NUP210: variants seen among roughly 807,000 people sequenced by gnomAD.
The protein encoded by NUP210 is nuclear pore membrane glycoprotein 210.
Under a neutral mutation model 196.0 loss-of-function variants are expected in NUP210, and 151 were observed. The ratio of observed to expected loss-of-function variants is 0.77; its 90% CI spans 0.67 to 0.88. The LOEUF is 0.88. NUP210 is among the 40% of genes least tolerant of loss of function. NUP210 has a pLI of 0.00. For synonymous variants in NUP210, 1,070 were observed against 1,052.7 expected (o/e 1.02, Z -0.32); for missense variants, 2,314 against 2,493.7 (o/e 0.93, Z 1.53).
At position 13,364,293 on chromosome 3, in the gene NUP210, T is replaced by C. The variant is rs533998211; in HGVS notation, c.1932+1653A>G. On this transcript the variant is annotated intron_variant, in intron 14 of 39. Coordinates refer to ENST00000254508, the MANE Select transcript of NUP210 (RefSeq NM_024923.4). The stretch of plus-strand genomic sequence containing the variant: ...GATTGCACAAGTAGGTAGGTATTCA[T>C]GCCTGTGTGCTAAAGGAACAAATGT... 1.4e-3 allele frequency among the ~76,000 whole-genome samples: 217 copies of C among 152,328 alleles called. 2 individuals carry two copies. Among genetic ancestry groups the C allele is most frequent in the African/African-American group, 4.9e-3 (202 of 41,576 alleles).
At position 13,365,937 on chromosome 3, in the gene NUP210, CT is replaced by C. The variant is rs768243123; in HGVS notation, c.1932+8del. 42 of 1,613,884 alleles carry C rather than the reference CT, an allele frequency of 2.6e-5. 1 individual carries two copies. Among genetic ancestry groups the C allele is most frequent in the Non-Finnish European group, 3.5e-5 (41 of 1,179,880 alleles). On this transcript the variant is annotated splice_region_variant and intron_variant, in intron 14 of 39. Coordinates refer to ENST00000254508, the MANE Select transcript of NUP210 (RefSeq NM_024923.4). ...AGGGGGGTGGTAAAGGGCAGGGCCC[CT>C]GGCTCACCTTGAGGGGCAGGTAGGC...
chr3:13,391,158 C>T (rs1699477555), intron 4 of NUP210, 53 bp downstream of exon 4: 5 of 1,300,816 alleles, frequency 3.8e-6, no homozygotes, highest in African/African-American at 1.5e-5. Flanking sequence ...TCACAGGTGT[C>T]CCCCTTTCCC....
chr3:13,411,568 A>G (rs961076896), intron 1 of NUP210, among the ~76,000 whole-genome samples: 3 of 151,662 alleles, frequency 2.0e-5, no homozygotes, highest in Non-Finnish European at 4.4e-5. Context: ...CACCACCCCC[A>G]CATCTCCTCT....
rs1441358048 is a variant in NUP210 at position 13,340,783 on chromosome 3, C to G, written c.3229-485G>C. On this transcript the variant is annotated intron_variant, in intron 23 of 39. Coordinates refer to ENST00000254508, the MANE Select transcript of NUP210 (RefSeq NM_024923.4). This position sits in a 1 kb window ranked among gnomAD's most constrained non-coding sequence, Gnocchi z 4.0. ...CCCCAGAGGTTGCTCTTCTAGCACA[C>G]CCTCCGGATTAGCCTGGGAGGAGAC... Among the ~76,000 whole-genome samples the G allele has an allele frequency of 6.6e-6, 1 of 152,112 alleles. No individual in the cohort carries two copies. Among genetic ancestry groups the G allele is most frequent in the Admixed American group, 6.5e-5 (1 of 15,274 alleles).
intron 30 of NUP210, 59 bp downstream of exon 30, chr3:13,330,401 C>T (rs1696946695): frequency 6.7e-7 from 1 of 1,488,884 alleles, no homozygotes; most frequent in Non-Finnish European, 9.3e-7. Context: ...ACCTGAGAGG[C>T]ATATTACCTC....
chr3:13,332,153 C>T, intron 29 of NUP210, 140 bp downstream of exon 29: 3 of 658,302 alleles, frequency 4.6e-6, no homozygotes, highest in Non-Finnish European at 5.6e-6. Context: ...AAGGAGCAGG[C>T]AGAGGCCTCA....
At chr3:13,354,507 T>C (rs1411627439) in intron 16 of NUP210, 4 of 176,044 alleles carry the variant, frequency 2.3e-5, no homozygotes, top group Non-Finnish European at 3.6e-5. Flanking sequence ...TCAACAGTGC[T>C]GAAGCTGGGA....
rs1296081434 is a variant in NUP210 at position 13,323,253 on chromosome 3, A to G, written c.4768+56T>C. On this transcript the variant is annotated intron_variant, in intron 34 of 39. Transcript: ENST00000254508. The surrounding 1 kb of genome is among the most constrained non-coding windows in gnomAD (Gnocchi z 4.3). ...TAAACTCCATCCAGAGGACACAGGA[A>G]GCCACCTCCCCGCTCCCAGGTACTC... 27 of 1,608,132 alleles carry G rather than the reference A, an allele frequency of 1.7e-5. No individual in the cohort carries two copies. The highest frequency in any genetic ancestry group is 2.0e-5 in the Non-Finnish European group (24 of 1,176,560).
rs1697184446 is a variant in NUP210 at position 13,335,630 on chromosome 3, A to G, written c.3685-18T>C. On this transcript the variant is annotated intron_variant, in intron 27 of 39. Coordinates refer to ENST00000254508, the MANE Select transcript of NUP210 (RefSeq NM_024923.4). ...ATCGACGCCTGGGAAGACATCAAAC[A>G]CGTTTTCAGGGGTAAGGCCCAGGCC... 1.2e-6 allele frequency: 2 copies of G among 1,612,538 alleles called. No individual in the cohort carries two copies. Among genetic ancestry groups the G allele is most frequent in the African/African-American group, 2.7e-5 (2 of 74,900 alleles).
Position 13,400,936 on chromosome 3 carries a change from C to T in NUP210, c.168-1075G>A, listed in dbSNP as rs556984136. Among the ~76,000 whole-genome samples the T allele has an allele frequency of 2.1e-3, 325 of 151,376 alleles. 1 individual carries two copies. The highest frequency in any genetic ancestry group is 7.5e-3 in the African/African-American group (308 of 40,886). On this transcript the variant is annotated intron_variant, in intron 1 of 39. Coordinates refer to ENST00000254508, the MANE Select transcript of NUP210 (RefSeq NM_024923.4). ...ACAGCCACGAGTATTCTGAAGGAGACTTGTCAGAAACTGCCTGGTGTCAAA... is the reference window on the plus strand; with the variant it reads ...ACAGCCACGAGTATTCTGAAGGAGATTTGTCAGAAACTGCCTGGTGTCAAA...
At chr3:13,320,203 C>T (rs917372996) in intron 36 of NUP210, among the ~76,000 whole-genome samples, 6 of 152,194 alleles carry the variant, frequency 3.9e-5, no homozygotes, top group African/African-American at 1.4e-4. Flanking sequence ...CTGGGCACTG[C>T]TCATGGACGG....
intron 33 of NUP210, among the ~76,000 whole-genome samples, chr3:13,324,465 G>A (rs1210920828): frequency 3.3e-5 from 5 of 152,058 alleles, no homozygotes; most frequent in Admixed American, 2.6e-4. Context: ...CCCGGCCCAG[G>A]CTCCTCACCT....
intron 4 of NUP210, among the ~76,000 whole-genome samples, chr3:13,390,111 G>C (rs993015105): frequency 6.6e-6 from 1 of 152,158 alleles, no homozygotes; most frequent in Non-Finnish European, 1.5e-5. Flanking sequence ...CTCGAGTAAG[G>C]TCTGAAGACG....
In NUP210 at chr3:13,406,170, G is replaced by A. The variant is rs369887607; in HGVS notation, c.168-6309C>T. ...ACTACCCACTACTGAGGCACACCTC[G>A]GGGAAGTGTGGGTCCAGGGAAGAGG... On this transcript the variant is annotated intron_variant, in intron 1 of 39. Transcript: ENST00000254508. Among the ~76,000 whole-genome samples the A allele has an allele frequency of 4.6e-5, 7 of 152,288 alleles. 1 individual carries two copies. The highest frequency in any genetic ancestry group is 1.7e-4 in the African/African-American group (7 of 41,552).
chr3:13,343,664 C>T (rs1382760805), intron 20 of NUP210, among the ~76,000 whole-genome samples: 2 of 152,158 alleles, frequency 1.3e-5, no homozygotes, highest in Non-Finnish European at 2.9e-5. Flanking sequence ...GGGACGTGCA[C>T]CAACTTGAGG....
chr3:13,347,193 C>T lies in NUP210; in HGVS notation c.2836-3890G>A. ...AGGAGATGGAGAGACACAGCTGCGG[C>T]TCACAGGAGCTGGGCCCCCCGGCTT... On this transcript the variant is annotated intron_variant, in intron 20 of 39. Transcript: ENST00000254508. This position sits in a 1 kb window ranked among gnomAD's most constrained non-coding sequence, Gnocchi z 4.7. 1.0e-6 allele frequency: 1 copy of T among 985,414 alleles called. No individual in the cohort carries two copies. Among genetic ancestry groups the T allele is most frequent in the Non-Finnish European group, 1.2e-6 (1 of 829,930 alleles). The allele number at this position is 985,414 out of a possible 1,614,324, so 61.0% of individuals were successfully genotyped here.
intron 2 of NUP210, among the ~76,000 whole-genome samples, chr3:13,398,739 G>A (rs892553662): frequency 1.3e-5 from 2 of 152,166 alleles, no homozygotes; most frequent in African/African-American, 4.8e-5. Flanking sequence ...GGACAACACA[G>A]GGAGACGCCC....
chr3:13,397,605 CAG>C, intron 2 of NUP210, 117 bp from the exon 3 acceptor site: 1 of 1,144,288 alleles, frequency 8.7e-7, no homozygotes, highest in Non-Finnish European at 1.2e-6. Flanking sequence ...GCTTCACCCT[CAG>C]AAGCCAAGCA....
Position 13,387,670 on chromosome 3 carries a change from T to C in NUP210, c.684+633A>G, listed in dbSNP as rs148835524. ...TAGGCAAACAAAAATATCTCAGGGT[T>C]GCAGCTCAAAACGAGGCACTGGTTG... On this transcript the variant is annotated intron_variant, in intron 5 of 39. Coordinates refer to ENST00000254508, the MANE Select transcript of NUP210 (RefSeq NM_024923.4). Among the ~76,000 whole-genome samples the C allele has an allele frequency of 1.1e-3, 173 of 152,320 alleles. 2 individuals are homozygous for C. Among genetic ancestry groups the C allele is most frequent in the African/African-American group, 3.8e-3 (159 of 41,572 alleles).
Sources: gnomAD v4.1 joint callset for allele counts (sites outside exome capture counted in the v4.1 genomes callset) on GRCh38, gnomAD v4.1.1 for gene constraint, Gnocchi (gnomAD v3.1) non-coding constraint, MANE v1.5 for transcripts, NCBI Gene and HGNC (gene_info 2026-07-23, HGNC 2026-07-21) for gene names.